SSBP3: variants seen among roughly 807,000 people sequenced by gnomAD.
The protein encoded by SSBP3 is single stranded DNA binding protein 3, also known as single-stranded DNA-binding protein 3.
In SSBP3, 5 loss-of-function variants were observed where a neutral mutation model predicts 69.6. The ratio of observed to expected loss-of-function variants is 0.07; its 90% CI spans 0.04 to 0.15. SSBP3 has a LOEUF of 0.15. Among genes scored for constraint, SSBP3 ranks in the 10% least tolerant of loss-of-function variants. The pLI, the probability that SSBP3 is intolerant of heterozygous loss-of-function variation, is 1.00. For synonymous variants in SSBP3, 196 were observed against 193.4 expected (o/e 1.01, Z -0.11); for missense variants, 312 against 534.0 (o/e 0.58, Z 4.10).
chr1:54,336,771 A>G (rs1295928288), intron 4 of SSBP3, among the ~76,000 whole-genome samples: 1 of 152,144 alleles, frequency 6.6e-6, no homozygotes, highest in East Asian at 1.9e-4. Context: ...TGTGGCTCAC[A>G]AGGATGCTGG....
At chr1:54,380,430 C>T (rs1034939720) in intron 4 of SSBP3, among the ~76,000 whole-genome samples, 2 of 152,238 alleles carry the variant, frequency 1.3e-5, no homozygotes, top group East Asian at 1.9e-4. Flanking sequence ...GTCTCTGCTG[C>T]GTGCAGTGAC....
At chr1:54,343,226 G>C (rs776853923) in intron 4 of SSBP3, among the ~76,000 whole-genome samples, 1 of 152,140 alleles carries the variant, frequency 6.6e-6, no homozygotes, top group Non-Finnish European at 1.5e-5. Context: ...TACATTCCTC[G>C]CTGCGTGTCA....
At chr1:54,346,298 C>A (rs1055467395) in intron 4 of SSBP3, among the ~76,000 whole-genome samples, 1 of 151,034 alleles carries the variant, frequency 6.6e-6, no homozygotes, top group Non-Finnish European at 1.5e-5. Flanking sequence ...GCACTCCAGC[C>A]TGGGTGACAC....
intron 4 of SSBP3, among the ~76,000 whole-genome samples, chr1:54,318,725 C>T (rs1253694227): frequency 1.3e-5 from 2 of 152,158 alleles, no homozygotes; most frequent in African/African-American, 4.8e-5. Flanking sequence ...GGCATCACCT[C>T]TCAGGAGCCT....
At chr1:54,369,453 G>A (rs554987176) in intron 4 of SSBP3, among the ~76,000 whole-genome samples, 2 of 152,296 alleles carry the variant, frequency 1.3e-5, no homozygotes, top group South Asian at 4.1e-4. Flanking sequence ...GAATATCCAC[G>A]TGGAGGCTGA....
chr1:54,274,006 G>T (rs940799993), intron 5 of SSBP3, among the ~76,000 whole-genome samples: 4 of 152,206 alleles, frequency 2.6e-5, no homozygotes, highest in African/African-American at 9.6e-5. Flanking sequence ...GCGGACAGCA[G>T]GGCGGAGGAG....
intron 4 of SSBP3, among the ~76,000 whole-genome samples, chr1:54,298,432 G>A (rs1645740548): frequency 6.6e-6 from 1 of 152,202 alleles, no homozygotes; most frequent in South Asian, 2.1e-4. Flanking sequence ...ACTCTGGGGA[G>A]CCAGTGCTGT....
chr1:54,281,312 G>T, intron 5 of SSBP3, 126 bp downstream of exon 5: 2 of 713,690 alleles, frequency 2.8e-6, no homozygotes, highest in Non-Finnish European at 4.6e-6. Context: ...ATTTGAACCA[G>T]CATAAAGCAA....
intron 4 of SSBP3, among the ~76,000 whole-genome samples, chr1:54,325,912 T>A (rs1646293002): frequency 1.3e-5 from 2 of 152,128 alleles, no homozygotes; most frequent in African/African-American, 4.8e-5. Flanking sequence ...CTGCTTGACA[T>A]CAGGGGATTG....
chr1:54,243,021 C>T (rs536174312), intron 10 of SSBP3: 68 of 559,762 alleles, frequency 1.2e-4, no homozygotes, highest in South Asian at 4.3e-4. Flanking sequence ...AGCTGATGCA[C>T]GCAGCATGCC....
chr1:54,324,603 G>A (rs1214284772), intron 4 of SSBP3, among the ~76,000 whole-genome samples: 5 of 152,198 alleles, frequency 3.3e-5, no homozygotes, highest in Non-Finnish European at 5.9e-5. Flanking sequence ...GAGGAGAGAA[G>A]GCCAGCCTGA....
At chr1:54,406,850 C>T (rs1028003332), upstream of SSBP3, among the ~76,000 whole-genome samples, 1 of 151,648 alleles carries the variant, frequency 6.6e-6, no homozygotes, top group Non-Finnish European at 1.5e-5. Context: ...TCAGCTCCCC[C>T]CCGCCGCGGC....
At chr1:54,303,140 G>C (rs376832223) in intron 4 of SSBP3, among the ~76,000 whole-genome samples, 5 of 152,302 alleles carry the variant, frequency 3.3e-5, no homozygotes, top group Admixed American at 6.5e-5. Flanking sequence ...CAGCACAAAG[G>C]GTGAGCTCAC....
At chr1:54,340,488 G>A (rs1646588293) in intron 4 of SSBP3, among the ~76,000 whole-genome samples, 1 of 152,238 alleles carries the variant, frequency 6.6e-6, no homozygotes. Flanking sequence ...CAGGGAGGGA[G>A]GGACAAAAGG....
intron 5 of SSBP3, among the ~76,000 whole-genome samples, chr1:54,276,342 G>A (rs572179885): frequency 6.6e-6 from 1 of 152,212 alleles, no homozygotes; most frequent in South Asian, 2.1e-4. Flanking sequence ...GCCGGGCGTG[G>A]TGGCTCAGGC....
intron 1 of SSBP3, 25 bp downstream of exon 1, chr1:54,405,928 C>T (rs1301124017): frequency 6.9e-6 from 9 of 1,297,388 alleles, no homozygotes; most frequent in Non-Finnish European, 9.0e-6. Context: ...GGCGGCGCGG[C>T]CGCCACTTGC....
At chr1:54,388,046 G>A (rs765658329) in intron 4 of SSBP3, among the ~76,000 whole-genome samples, 41 of 152,270 alleles carry the variant, frequency 2.7e-4, no homozygotes, top group Middle Eastern at 6.8e-3. Flanking sequence ...AACACTACAT[G>A]TCACTGGCTT....
At chr1:54,333,867 C>A (rs1646462707) in intron 4 of SSBP3, among the ~76,000 whole-genome samples, 1 of 152,128 alleles carries the variant, frequency 6.6e-6, no homozygotes, top group Non-Finnish European at 1.5e-5. Flanking sequence ...GAGTTTGAGA[C>A]CAGCCTGGGC....
chr1:54,256,124 A>G (rs1644916807), intron 7 of SSBP3, among the ~76,000 whole-genome samples: 1 of 151,996 alleles, frequency 6.6e-6, no homozygotes, highest in South Asian at 2.1e-4. Context: ...GCATCTCTCC[A>G]TAGTCCCTGC....
Sources: allele counts gnomAD v4.1 joint callset (sites outside exome capture counted in the v4.1 genomes callset), GRCh38; gene constraint gnomAD v4.1.1; transcripts MANE v1.5; gene names NCBI Gene and HGNC (gene_info 2026-07-23, HGNC 2026-07-21).